SLC5A12: variants seen among roughly 807,000 people sequenced by gnomAD.
The protein encoded by SLC5A12 is solute carrier family 5 member 12.
Under a neutral mutation model 72.7 loss-of-function variants are expected in SLC5A12, and 46 were observed. The ratio of observed to expected loss-of-function variants is 0.63; its 90% CI spans 0.50 to 0.81. The LOEUF is 0.81. Among genes scored for constraint, SLC5A12 ranks in the 30% least tolerant of loss-of-function variants. The pLI is 0.00. For synonymous variants in SLC5A12, 275 were observed against 264.4 expected (o/e 1.04, Z -0.39); for missense variants, 683 against 740.7 (o/e 0.92, Z 0.90).
intron 9 of SLC5A12, chr11:26,692,240 C>T (rs545475388): frequency 1.5e-4 from 50 of 344,808 alleles, no homozygotes; most frequent in African/African-American, 9.1e-4. Flanking sequence ...GGATAAGCCT[C>T]GTCTAGAGTG....
chr11:26,680,914 C>A (rs777221587), intron 12 of SLC5A12, 141 bp downstream of exon 12: 43 of 732,790 alleles, frequency 5.9e-5, no homozygotes, highest in Non-Finnish European at 8.2e-5. Context: ...GCGTGGCACT[C>A]TTCAGTGCTG....
At chr11:26,699,886 C>A (rs1245611022) in intron 6 of SLC5A12, among the ~76,000 whole-genome samples, 2 of 151,932 alleles carry the variant, frequency 1.3e-5, no homozygotes, top group African/African-American at 2.4e-5. Context: ...CAGCATATAG[C>A]AAATATAAAA....
At chr11:26,680,713 A>G (rs1408019328) in intron 12 of SLC5A12, among the ~76,000 whole-genome samples, 2 of 151,962 alleles carry the variant, frequency 1.3e-5, no homozygotes, top group Non-Finnish European at 2.9e-5. Flanking sequence ...CATTATCCTC[A>G]TTGCTCACAA....
intron 14 of SLC5A12, among the ~76,000 whole-genome samples, chr11:26,671,807 C>T (rs748545808): frequency 6.6e-6 from 1 of 152,096 alleles, no homozygotes; most frequent in African/African-American, 2.4e-5. Flanking sequence ...TTCTATCTTC[C>T]TGAGTCTGCA....
At chr11:26,697,090 TA>T in intron 8 of SLC5A12, 73 bp downstream of exon 8, 1 of 1,278,572 alleles carries the variant, frequency 7.8e-7, no homozygotes, top group Non-Finnish European at 1.1e-6. Flanking sequence ...GCTTGCTAAA[TA>T]TTGTTGATCA....
Position 26,703,679 on chromosome 11 carries a change from A to G in SLC5A12, c.681-8T>C. The G allele has an allele frequency of 6.2e-7, 1 of 1,613,852 alleles. No individual in the cohort carries two copies. The highest frequency in any genetic ancestry group is 8.5e-7 in the Non-Finnish European group (1 of 1,179,844). On this transcript the variant is annotated splice_polypyrimidine_tract_variant and splice_region_variant and intron_variant, in intron 5 of 14. Transcript: ENST00000396005. Reference sequence around the variant, plus strand: ...AGAGGATCTACATCAAAGCTATGAGACAGAGAGAAATGAGTGAACAAAGAT... The same window carrying G: ...AGAGGATCTACATCAAAGCTATGAGGCAGAGAGAAATGAGTGAACAAAGAT...
At chr11:26,722,891 C>G (rs564001933), upstream of SLC5A12, among the ~76,000 whole-genome samples, 16 of 150,516 alleles carry the variant, frequency 1.1e-4, no homozygotes, top group Non-Finnish European at 2.2e-4. Context: ...TGAGTTTTCT[C>G]TACTCTGTGA....
chr11:26,682,588 T>C (rs1671623734), intron 11 of SLC5A12, among the ~76,000 whole-genome samples: 1 of 152,200 alleles, frequency 6.6e-6, no homozygotes, highest in African/African-American at 2.4e-5. Context: ...GCAAAGGCCA[T>C]GTCTTAGAGG....
rs528766726 is a variant in SLC5A12, at chr11:26,698,428, C to A, written c.929G>T (p.Gly310Val). 1 of 1,613,940 alleles carries A rather than the reference C, an allele frequency of 6.2e-7. No individual in the cohort carries two copies. The highest frequency in any genetic ancestry group is 8.5e-7 in the Non-Finnish European group (1 of 1,179,944). ...TACCTGGTCTGGTGCTGAGATGATG[C>A]CAGAAGTCCAAGGGTCACAGTCTTT... is the stretch of plus-strand genomic sequence containing the variant. Reference protein sequence around the residue: ...HFKDCDPWTSGIISAPDQLMP... With the variant: ...HFKDCDPWTSVIISAPDQLMP... Residue 310 changes from glycine to valine, a missense_variant, in exon 7 of 15, where the codon GGC becomes GTC. Gly to Val is a moderately radical substitution (Grantham distance 109). Transcript: ENST00000396005.
chr11:26,671,293 A>C, intron 14 of SLC5A12, 42 bp from the exon 15 acceptor site: 1 of 1,522,608 alleles, frequency 6.6e-7, no homozygotes, highest in Non-Finnish European at 8.8e-7. Context: ...GATATCCTTG[A>C]TGTACTCCAA....
intron 8 of SLC5A12, among the ~76,000 whole-genome samples, chr11:26,696,455 A>G (rs1854815825): frequency 6.6e-6 from 1 of 152,202 alleles, no homozygotes; most frequent in African/African-American, 2.4e-5. Context: ...GGTTAATAGC[A>G]AGGCTGTGCT....
chr11:26,693,107 C>T (rs1430575786), intron 8 of SLC5A12, among the ~76,000 whole-genome samples: 1 of 152,186 alleles, frequency 6.6e-6, no homozygotes, highest in Non-Finnish European at 1.5e-5. Flanking sequence ...GGGACACAAA[C>T]ATTTAACAAC....
intron 9 of SLC5A12, among the ~76,000 whole-genome samples, chr11:26,690,780 G>A (rs1473409982): frequency 6.8e-6 from 1 of 146,508 alleles, no homozygotes; most frequent in Non-Finnish European, 1.5e-5. Context: ...GCCAACAAGA[G>A]TGAAACTCTG....
rs1203106596 is a variant in SLC5A12 at position 26,713,341 on chromosome 11, A to G, written c.340-635T>C. 2.0e-5 allele frequency among the ~76,000 whole-genome samples: 3 copies of G among 152,254 alleles called. No homozygotes were observed. In the East Asian group the frequency reaches 5.8e-4, roughly 29 times the overall value. On this transcript the variant is annotated intron_variant, in intron 1 of 14. Transcript: ENST00000396005. ...TATTCTCCACATACAATTATTGTTT[A>G]TCATTCAGCTAACACATTTTGTGCT...
At chr11:26,698,201 GT>G (rs1565194986) in intron 7 of SLC5A12, among the ~76,000 whole-genome samples, 1 of 151,976 alleles carries the variant, frequency 6.6e-6, no homozygotes, top group African/African-American at 2.4e-5. Context: ...CCTGGCCAAG[GT>G]GCCCTCTTTT....
intron 9 of SLC5A12, among the ~76,000 whole-genome samples, chr11:26,686,990 A>G (rs1256482663): frequency 6.6e-6 from 1 of 152,214 alleles, no homozygotes; most frequent in East Asian, 1.9e-4. Flanking sequence ...ATGTCTACAC[A>G]TTCTACCTAA....
chr11:26,711,583 C>T (rs941210840), intron 2 of SLC5A12, among the ~76,000 whole-genome samples: 3 of 151,992 alleles, frequency 2.0e-5, no homozygotes, highest in Non-Finnish European at 4.4e-5. Context: ...AAAATTGCTA[C>T]TAATTTTGAG....
At chr11:26,702,099 C>T (rs140080136) in intron 6 of SLC5A12, among the ~76,000 whole-genome samples, 1 of 152,248 alleles carries the variant, frequency 6.6e-6, no homozygotes, top group East Asian at 1.9e-4. Context: ...CAACTATAAT[C>T]TATTTTAGAG....
chr11:26,682,872 C>T (rs1199712865), intron 11 of SLC5A12, among the ~76,000 whole-genome samples: 2 of 152,054 alleles, frequency 1.3e-5, no homozygotes, highest in Non-Finnish European at 1.5e-5. Context: ...TTGGGAAGTG[C>T]TGCAAAGACC....
Sources: allele counts gnomAD v4.1 joint callset (sites outside exome capture counted in the v4.1 genomes callset), GRCh38; gene constraint gnomAD v4.1.1; transcripts MANE v1.5; gene names NCBI Gene and HGNC (gene_info 2026-07-23, HGNC 2026-07-21).